The following RFX4 variants were observed in gnomAD, a reference collection of about 807,000 sequenced individuals.
The protein encoded by RFX4 is transcription factor RFX4.
A neutral mutation model predicts 95.0 loss-of-function variants in RFX4; 10 were observed. The observed-to-expected ratio is 0.11, with a 90% confidence interval of 0.06 to 0.18. The LOEUF (loss-of-function observed/expected upper bound fraction) is 0.18. RFX4 is among the 10% of genes least tolerant of loss of function. RFX4 has a pLI of 1.00. For missense variants in RFX4, 640 were observed against 922.0 expected, an observed-to-expected ratio of 0.69 and a Z score of 3.96; for synonymous variants, 321 against 340.7, an observed-to-expected ratio of 0.94 and a Z score of 0.64.
chr12:106,675,033 T>C (rs1018355574), intron 4 of RFX4, among the ~76,000 whole-genome samples: 10 of 152,284 alleles, frequency 6.6e-5, no homozygotes, highest in Admixed American at 2.6e-4. Flanking sequence ...GTGGCGGAGT[T>C]GGAGAAATTT....
intron 3 of RFX4, among the ~76,000 whole-genome samples, chr12:106,640,882 G>T (rs1365003904): frequency 6.7e-6 from 1 of 149,990 alleles, no homozygotes; most frequent in Non-Finnish European, 1.5e-5. Context: ...CTGGGTTCAA[G>T]TGATCCTCTT....
intron 17 of RFX4, among the ~76,000 whole-genome samples, chr12:106,755,406 GTTT>G (rs577252225): frequency 4.5e-4 from 68 of 152,210 alleles, no homozygotes; most frequent in African/African-American, 1.4e-3. Flanking sequence ...TTTTCCCTCA[GTTT>G]TTAAAGATAA....
intron 17 of RFX4, among the ~76,000 whole-genome samples, chr12:106,758,764 G>C (rs1350100763): frequency 6.6e-6 from 1 of 152,212 alleles, no homozygotes; most frequent in Non-Finnish European, 1.5e-5. Context: ...TGGCAGGTCA[G>C]CCTCCTTTGG....
intron 4 of RFX4, among the ~76,000 whole-genome samples, chr12:106,657,825 C>T (rs1158815939): frequency 6.6e-6 from 1 of 151,992 alleles, no homozygotes; most frequent in East Asian, 1.9e-4. Flanking sequence ...CCTTACCATG[C>T]TTTATTTTTC....
At chr12:106,661,996 G>A (rs1011319246) in intron 4 of RFX4, among the ~76,000 whole-genome samples, 2 of 152,040 alleles carry the variant, frequency 1.3e-5, no homozygotes, top group Non-Finnish European at 2.9e-5. Flanking sequence ...TCCCATTTTG[G>A]CAATTATGAA....
intron 1 of RFX4, among the ~76,000 whole-genome samples, chr12:106,597,935 A>T (rs2039645603): frequency 1.3e-5 from 2 of 152,174 alleles, no homozygotes; most frequent in South Asian, 4.1e-4. Context: ...GTCAAAAACA[A>T]ACTATTGGGA....
chr12:106,663,634 C>T (rs1565969920), intron 4 of RFX4, among the ~76,000 whole-genome samples: 1 of 151,712 alleles, frequency 6.6e-6, no homozygotes, highest in African/African-American at 2.4e-5. Context: ...TTGGCTTGGT[C>T]CTCATCATAG....
rs938600809 is a variant in RFX4 at position 106,601,169 on chromosome 12, C to T, written c.44-7628C>T. On this transcript the variant is annotated intron_variant, in intron 1 of 17. Transcript: ENST00000392842. The stretch of plus-strand genomic sequence containing the variant: ...TGGCAACCCACTGACCTGAGCCACC[C>T]CCTGGAGAGGCCACAGCTGCTGGCT... The T allele has an allele frequency of 6.6e-6, 10 of 1,505,228 alleles. No individual in the cohort carries two copies. The South Asian group carries it at 1.3e-4, about 19-fold the overall frequency. 93.2% of individuals were successfully genotyped at this position (1,505,228 alleles called of 1,614,324 possible). A position where few individuals can be genotyped will look rare whatever the true frequency, so the allele number is the denominator to read the frequency against.
In RFX4 at chr12:106,732,932, C is replaced by T. The variant is rs1166988978; in HGVS notation, c.1480C>T (p.Arg494Ter). The part of the protein sequence containing the change: ...MKGEGSTAEV[R>*]EEIILTEAAA... ...CCTATCTCTATCCACAGCAGAAGTC[C>T]GAGAAGAGATCATCTTGACAGAGGC... is the stretch of plus-strand genomic sequence containing the variant. Residue 494 changes from arginine to a stop codon, truncating the protein, a stop_gained, in exon 15 of 18, where the codon CGA becomes TGA. Transcript: ENST00000392842. LOFTEE classifies it high-confidence loss of function. The T allele has an allele frequency of 6.2e-7, 1 of 1,613,818 alleles. No homozygotes were observed. Among genetic ancestry groups the T allele is most frequent in the Non-Finnish European group, 8.5e-7 (1 of 1,179,838 alleles).
rs550968854 is a variant in RFX4 at position 106,747,490 on chromosome 12, G to A, written c.1687G>A (p.Gly563Arg). The A allele has an allele frequency of 6.2e-7, 1 of 1,614,028 alleles. No individual in the cohort carries two copies. Among genetic ancestry groups the A allele is most frequent in the African/African-American group, 1.3e-5 (1 of 74,932 alleles). ...SLTYTVTTAA[G>R]SPAENSQQLP... ...AACATACACAGTGACGACGGCTGCT[G>A]GGTCCCCAGCTGAGAACTCCCAACA... The change falls in exon 16 of 18, where the codon GGG becomes AGG. Residue 563 changes from glycine to arginine, a missense_variant. Transcript: ENST00000392842.
chr12:106,643,663 T>TTAC (rs761633399), intron 3 of RFX4, among the ~76,000 whole-genome samples: 1 of 152,206 alleles, frequency 6.6e-6, no homozygotes, highest in African/African-American at 2.4e-5. Flanking sequence ...AATCTGATGC[T>TTAC]TACAGACTTT....
At chr12:106,672,048 G>C (rs1417620883) in intron 4 of RFX4, among the ~76,000 whole-genome samples, 1 of 152,116 alleles carries the variant, frequency 6.6e-6, no homozygotes, top group Non-Finnish European at 1.5e-5. Flanking sequence ...CTCAGTGGCT[G>C]ACAGTTCCTC....
intron 8 of RFX4, among the ~76,000 whole-genome samples, chr12:106,699,692 A>G (rs895856614): frequency 6.6e-6 from 1 of 152,070 alleles, no homozygotes; most frequent in Non-Finnish European, 1.5e-5. Context: ...GTCTGTTTGT[A>G]ATATAGCTAC....
chr12:106,643,432 G>T (rs1476336029), intron 3 of RFX4, among the ~76,000 whole-genome samples: 1 of 152,176 alleles, frequency 6.6e-6, no homozygotes, highest in Non-Finnish European at 1.5e-5. Context: ...AAGAAAGTAG[G>T]ACATTAAACT....
rs2043206943 is a variant in RFX4, at chr12:106,761,454, A to G, written c.2193A>G (p.Thr731=). 2.5e-6 allele frequency: 4 copies of G among 1,611,418 alleles called. No individual in the cohort carries two copies. The highest frequency in any genetic ancestry group is 3.4e-6 in the Non-Finnish European group (4 of 1,178,604). Residue 731 remains threonine (T), a synonymous_variant, in exon 18 of 18, where the codon ACA becomes ACG. Transcript: ENST00000392842. The stretch of plus-strand genomic sequence containing the variant: ...CTTACATCAACGGAGAGGCCTCTAC[A>G]GGATGGGCTAAATGACTGCTATCAT... ...GFAYINGEAS[T]GWAK
intron 2 of RFX4, among the ~76,000 whole-genome samples, chr12:106,629,648 A>G (rs2040375959): frequency 6.6e-6 from 1 of 151,838 alleles, no homozygotes; most frequent in African/African-American, 2.4e-5. Flanking sequence ...TGCCTGGCTA[A>G]TTTTTTTATA....
chr12:106,750,244 A>G (rs1287750623), intron 16 of RFX4, among the ~76,000 whole-genome samples: 1 of 152,178 alleles, frequency 6.6e-6, no homozygotes, highest in Non-Finnish European at 1.5e-5. Flanking sequence ...GGGGAGGCCA[A>G]GGTGGGTGGA....
intron 8 of RFX4, among the ~76,000 whole-genome samples, chr12:106,699,894 T>C (rs558509398): frequency 1.7e-5 from 2 of 116,812 alleles, no homozygotes; most frequent in Non-Finnish European, 3.8e-5. Flanking sequence ...TAATTAAATA[T>C]ATGGTTCAAT....
At chr12:106,689,977 T>A (rs2041745309) in intron 7 of RFX4, among the ~76,000 whole-genome samples, 2 of 152,168 alleles carry the variant, frequency 1.3e-5, no homozygotes, top group African/African-American at 4.8e-5. Context: ...TATAACTTTA[T>A]TATTTTTTGA....
Sources: gnomAD v4.1 joint callset for allele counts (sites outside exome capture counted in the v4.1 genomes callset) on GRCh38, gnomAD v4.1.1 for gene constraint, MANE v1.5 for transcripts, NCBI Gene and HGNC (gene_info 2026-07-23, HGNC 2026-07-21) for gene names.